Variants in BMP6 observed in about 807,000 individuals in gnomAD.
BMP6 encodes bone morphogenetic protein 6.
BMP6 carries 17 observed loss-of-function variants against 54.1 expected under a neutral mutation model. That is an observed-to-expected ratio of 0.31 (90% CI 0.22 to 0.47). The LOEUF is 0.47. BMP6 is among the 20% of genes least tolerant of loss of function. The pLI, the probability that BMP6 is intolerant of heterozygous loss-of-function variation, is 1.00. For missense variants in BMP6, 720 were observed against 690.4 expected, an observed-to-expected ratio of 1.04 and a Z score of -0.48; for synonymous variants, 328 against 291.2, an observed-to-expected ratio of 1.13 and a Z score of -1.28.
At chr6:7,788,871 G>GT (rs10532545) in intron 1 of BMP6, among the ~76,000 whole-genome samples, 4,864 of 140,362 alleles carry the variant, frequency 0.035, 170 homozygotes, top group East Asian at 0.14. Flanking sequence ...TCCTATCTCT[G>GT]TTTTTTTTTT....
chr6:7,867,599 C>G (rs1759445772), intron 4 of BMP6, among the ~76,000 whole-genome samples: 1 of 152,154 alleles, frequency 6.6e-6, no homozygotes, highest in African/African-American at 2.4e-5. Flanking sequence ...CTAGCAGTTT[C>G]TAGTTCTCCA....
At chr6:7,848,917 A>G (rs1759105204) in intron 2 of BMP6, among the ~76,000 whole-genome samples, 1 of 152,214 alleles carries the variant, frequency 6.6e-6, no homozygotes, top group South Asian at 2.1e-4. Context: ...GCCTTCTCTT[A>G]TATTTTCTCA....
intron 4 of BMP6, among the ~76,000 whole-genome samples, chr6:7,864,124 G>A (rs527429189): frequency 8.5e-5 from 13 of 152,194 alleles, no homozygotes; most frequent in South Asian, 4.1e-4. Flanking sequence ...AGCCAGTCCC[G>A]TAGCTAGTTA....
At chr6:7,785,605 G>C (rs1758009135) in intron 1 of BMP6, among the ~76,000 whole-genome samples, 1 of 152,176 alleles carries the variant, frequency 6.6e-6, no homozygotes, top group Non-Finnish European at 1.5e-5. Context: ...CGTGCAACAT[G>C]TTGATTTTAG....
chr6:7,827,631 G>A lies in BMP6; in HGVS notation c.665-17509G>A, dbSNP rs542608697. ...ATTGCAGAGCAACAAATCCAAGATT[G>A]TTATTTCACCAAAGGCCCCAGGAAG... is the stretch of plus-strand genomic sequence containing the variant. On this transcript the variant is annotated intron_variant, in intron 1 of 6. Coordinates refer to ENST00000283147, the MANE Select transcript of BMP6 (RefSeq NM_001718.6). Among the ~76,000 whole-genome samples, 16 of 152,350 alleles carry A rather than the reference G, an allele frequency of 1.1e-4. 1 individual carries two copies. Among genetic ancestry groups the A allele is most frequent in the African/African-American group, 3.8e-4 (16 of 41,584 alleles).
At chr6:7,777,359 G>A (rs965794102) in intron 1 of BMP6, among the ~76,000 whole-genome samples, 4 of 152,210 alleles carry the variant, frequency 2.6e-5, no homozygotes, top group Non-Finnish European at 4.4e-5. Flanking sequence ...GGAGAGGGGC[G>A]TGGATACACT....
At chr6:7,868,488 A>G (rs1261724777) in intron 4 of BMP6, among the ~76,000 whole-genome samples, 1 of 152,222 alleles carries the variant, frequency 6.6e-6, no homozygotes, top group Non-Finnish European at 1.5e-5. Flanking sequence ...TGTTTTGGAT[A>G]AGATGGGGCC....
At chr6:7,869,450 G>T (rs1444611278) in intron 4 of BMP6, among the ~76,000 whole-genome samples, 1 of 152,218 alleles carries the variant, frequency 6.6e-6, no homozygotes, top group Non-Finnish European at 1.5e-5. Flanking sequence ...TGCATTGGGG[G>T]TATAGGCAAT....
intron 1 of BMP6, among the ~76,000 whole-genome samples, chr6:7,814,087 CT>C (rs1758487568): frequency 6.6e-6 from 1 of 152,344 alleles, no homozygotes. Context: ...CCCTTTCCAT[CT>C]TCATAGCCAA....
At chr6:7,766,153 G>A (rs1329003817) in intron 1 of BMP6, among the ~76,000 whole-genome samples, 2 of 152,182 alleles carry the variant, frequency 1.3e-5, no homozygotes, top group African/African-American at 4.8e-5. Context: ...TTTTAAAGGG[G>A]AGATTCTTTC....
intron 1 of BMP6, among the ~76,000 whole-genome samples, chr6:7,827,086 T>A (rs138774809): frequency 6.6e-6 from 1 of 152,178 alleles, no homozygotes; most frequent in Non-Finnish European, 1.5e-5. Context: ...CTTTCTTCAC[T>A]TTTTCCCCAA....
rs1477184469 is a variant in BMP6, at chr6:7,856,610, T to TTTTTTTTGTTTTTG, written c.858-4837_858-4836insTTTGTTTTTGTTTT. ...TATCAAGAGCATTTTTTTTTTTTTTTTTTTGAGACGGAGTCTCGCTCTGTC... is the reference window on the plus strand; with the variant it reads ...TATCAAGAGCATTTTTTTTTTTTTTTTTTTTTTGTTTTTGTTTTGAGACGGAGTCTCGCTCTGTC... On this transcript the variant is annotated intron_variant, in intron 2 of 6. Coordinates refer to ENST00000283147, the MANE Select transcript of BMP6 (RefSeq NM_001718.6). Among the ~76,000 whole-genome samples, 158 of 122,188 alleles carry TTTTTTTTGTTTTTG rather than the reference T, an allele frequency of 1.3e-3. 1 individual carries two copies. The highest frequency in any genetic ancestry group is 2.2e-3 in the Non-Finnish European group (130 of 59,678). 80.2% of individuals were successfully genotyped at this position (122,188 alleles called of 152,430 possible). A position where few individuals can be genotyped will look rare whatever the true frequency, so the allele number is the denominator to read the frequency against.
Position 7,880,370 on chromosome 6 carries a change from A to G in BMP6, c.*27A>G, listed in dbSNP as rs1018072523. 6.2e-7 allele frequency: 1 copy of G among 1,613,120 alleles called. No homozygotes were observed. The highest frequency in any genetic ancestry group is 1.3e-5 in the African/African-American group (1 of 74,910). ...TCGAAACCAGATGCTGGGGACACAC[A>G]TTCTGCCTTGGATTCCTAGATTACA... On this transcript the variant is annotated 3_prime_UTR_variant, in exon 7 of 7. Transcript: ENST00000283147.
intron 1 of BMP6, among the ~76,000 whole-genome samples, chr6:7,786,101 C>A (rs768380083): frequency 2.0e-5 from 3 of 152,204 alleles, no homozygotes; most frequent in Non-Finnish European, 4.4e-5. Flanking sequence ...GTACACGCGT[C>A]TTTGGTCTCT....
intron 1 of BMP6, among the ~76,000 whole-genome samples, chr6:7,808,952 A>G (rs1581256649): frequency 6.8e-6 from 1 of 146,906 alleles, no homozygotes; most frequent in Non-Finnish European, 1.5e-5. Flanking sequence ...GTGAACATTC[A>G]CCTACTCTGA....
intron 1 of BMP6, among the ~76,000 whole-genome samples, chr6:7,822,896 GTTGTGTGTGTGTGT>G (rs1477802714): frequency 1.2e-5 from 1 of 85,662 alleles, no homozygotes; most frequent in African/African-American, 6.8e-5. Context: ...ATTGGTGCTG[GTTGTGTGTGTGTGT>G]GTGTGTGTGT....
At chr6:7,817,162 C>A (rs1335859503) in intron 1 of BMP6, among the ~76,000 whole-genome samples, 1 of 152,014 alleles carries the variant, frequency 6.6e-6, no homozygotes, top group East Asian at 1.9e-4. Context: ...TGTTAATGAG[C>A]TCCTTTGATT....
At chr6:7,854,799 T>C (rs767852017) in intron 2 of BMP6, among the ~76,000 whole-genome samples, 9 of 152,064 alleles carry the variant, frequency 5.9e-5, no homozygotes, top group African/African-American at 1.2e-4. Context: ...CAAAAATAAA[T>C]AAACAGACAA....
rs1757944979 is a variant in BMP6, at chr6:7,781,485, A to T, written c.664+53866A>T. ...CTGGCTGTGGGAGGCAGTGTGGTTTAGAGCAAAGAGTATGATGGCCTTTAG... is the reference window on the plus strand; with the variant it reads ...CTGGCTGTGGGAGGCAGTGTGGTTTTGAGCAAAGAGTATGATGGCCTTTAG... On this transcript the variant is annotated intron_variant, in intron 1 of 6. Coordinates refer to ENST00000283147, the MANE Select transcript of BMP6 (RefSeq NM_001718.6). Among the ~76,000 whole-genome samples the T allele has an allele frequency of 2.0e-5, 3 of 151,470 alleles. No individual in the cohort carries two copies. In the South Asian group the frequency reaches 6.3e-4, roughly 32 times the overall value.
Sources: gnomAD v4.1 joint callset for allele counts (sites outside exome capture counted in the v4.1 genomes callset) on GRCh38, gnomAD v4.1.1 for gene constraint, MANE v1.5 for transcripts, NCBI Gene and HGNC (gene_info 2026-07-23, HGNC 2026-07-21) for gene names.